Variants in FUBP1 observed in about 807,000 individuals in gnomAD.
The protein encoded by FUBP1 is far upstream element binding protein 1.
Under a neutral mutation model 94.9 loss-of-function variants are expected in FUBP1, and 16 were observed. The ratio of observed to expected loss-of-function variants is 0.17; its 90% confidence interval spans 0.11 to 0.26. The LOEUF is 0.26. FUBP1 is among the 10% of genes least tolerant of loss of function. The pLI, the probability that FUBP1 is intolerant of heterozygous loss-of-function variation, is 1.00. For missense variants in FUBP1, 583 were observed against 808.6 expected, an observed-to-expected ratio of 0.72 and a Z score of 3.38; for synonymous variants, 279 against 254.9, an observed-to-expected ratio of 1.09 and a Z score of -0.90.
intron 18 of FUBP1, among the ~76,000 whole-genome samples, chr1:77,949,780 A>T (rs1653011931): frequency 6.6e-6 from 1 of 152,230 alleles, no homozygotes; most frequent in Non-Finnish European, 1.5e-5. Flanking sequence ...AGCCCACTTA[A>T]AGGCAATGAT....
At position 77,960,413 on chromosome 1, in the gene FUBP1, CCTGGAGGCCCAGGAG is replaced by C; in HGVS notation, c.1412_1426del (p.Pro471_Gly476delinsArg). The C allele has an allele frequency of 6.3e-7, 1 of 1,594,230 alleles. No individual in the cohort carries two copies. Among genetic ancestry groups the C allele is most frequent in the Non-Finnish European group, 8.5e-7 (1 of 1,175,550 alleles). Reference sequence around the variant, plus strand: ...GTATGGTCCCATTGGAGTTCCAGGCCCTGGAGGCCCAGGAGGTCCATGGGGGCCTGGGACACCATG... The same window carrying C: ...GTATGGTCCCATTGGAGTTCCAGGCCGTCCATGGGGGCCTGGGACACCATG... On this transcript the variant is annotated inframe_deletion, in exon 15 of 20. Transcript: ENST00000370768.
In FUBP1 at chr1:77,969,289, T is replaced by C. The variant is rs147332755; in HGVS notation, c.211+636A>G. Among the ~76,000 whole-genome samples, 311 of 152,154 alleles carry C rather than the reference T, an allele frequency of 2.0e-3. 1 individual carries two copies. The highest frequency in any genetic ancestry group is 6.8e-3 in the African/African-American group (281 of 41,544). The stretch of plus-strand genomic sequence containing the variant: ...AAAAAAAGGGTAAAAAGAAAATGTA[T>C]CAAAACTCATATATCAAACCTAAAA... On this transcript the variant is annotated intron_variant, in intron 2 of 19. Coordinates refer to ENST00000370768, the MANE Select transcript of FUBP1 (RefSeq NM_003902.5).
chr1:77,976,091 C>T (rs535271837), intron 1 of FUBP1, among the ~76,000 whole-genome samples: 3 of 152,242 alleles, frequency 2.0e-5, no homozygotes, highest in Admixed American at 2.0e-4. Context: ...TCTCTTCCTT[C>T]CAAAAACAAA....
At chr1:77,950,386 C>A (rs1653188660) in intron 18 of FUBP1, among the ~76,000 whole-genome samples, 1 of 152,166 alleles carries the variant, frequency 6.6e-6, no homozygotes, top group Non-Finnish European at 1.5e-5. Flanking sequence ...TCCTGAACTC[C>A]TGGACTCAAG....
rs1314344664 is a variant in FUBP1, at chr1:77,973,716, C to G, written c.121-3701G>C. The stretch of plus-strand genomic sequence containing the variant: ...CAAGAATTTGGGAGTTGAAAAGAAA[C>G]TTAAAAGACACAGTAGTCTCTTTAT... On this transcript the variant is annotated intron_variant, in intron 1 of 19. Coordinates refer to ENST00000370768, the MANE Select transcript of FUBP1 (RefSeq NM_003902.5). 3.4e-5 allele frequency among the ~76,000 whole-genome samples: 5 copies of G among 148,972 alleles called. No homozygotes were observed. In the Admixed American group the frequency reaches 3.4e-4, roughly 10 times the overall value.
In FUBP1 at chr1:77,944,374, C is replaced by T. The variant is rs1324074620; in HGVS notation, c.*4392G>A. 5.0e-6 allele frequency: 1 copy of T among 201,398 alleles called. No homozygotes were observed. 12.5% of individuals were successfully genotyped at this position (201,398 alleles called of 1,614,324 possible). On this transcript the variant is annotated 3_prime_UTR_variant, in exon 20 of 20. Coordinates refer to ENST00000370768, the MANE Select transcript of FUBP1 (RefSeq NM_003902.5). ...TTTAAGAGTTTCTATAGGGGTATCA[C>T]TGAAGAAAATAAAACCCTGGGATTT...
intron 18 of FUBP1, 26 bp from the exon 19 acceptor site, chr1:77,949,326 T>A (rs374511552): frequency 3.1e-6 from 5 of 1,600,600 alleles, no homozygotes; most frequent in Non-Finnish European, 4.3e-6. Context: ...ACTTTGTTGC[T>A]GTAACCACAA....
At chr1:77,968,655 AC>A (rs1487243521) in intron 2 of FUBP1, among the ~76,000 whole-genome samples, 64 of 151,742 alleles carry the variant, frequency 4.2e-4, no homozygotes, top group Non-Finnish European at 6.8e-4. Flanking sequence ...AAAAAAAAAA[AC>A]AAAAAAACCC....
At chr1:77,977,759 AATG>A (rs1411605603) in intron 1 of FUBP1, among the ~76,000 whole-genome samples, 1 of 152,256 alleles carries the variant, frequency 6.6e-6, no homozygotes, top group African/African-American at 2.4e-5. Context: ...AACTAATATT[AATG>A]ATGACCTTTT....
intron 7 of FUBP1, 56 bp downstream of exon 7, chr1:77,966,638 T>C: frequency 1.1e-6 from 1 of 869,846 alleles, no homozygotes; most frequent in Non-Finnish European, 1.9e-6. Flanking sequence ...AGAGACAAAA[T>C]TCAAAGAGTT....
intron 1 of FUBP1, among the ~76,000 whole-genome samples, chr1:77,978,672 G>A (rs755987511): frequency 5.3e-5 from 8 of 152,192 alleles, no homozygotes; most frequent in African/African-American, 1.9e-4. Context: ...TGCGTAGCAC[G>A]CGTCGGGGTT....
At chr1:77,966,531 T>TTC (rs1456414086) in intron 7 of FUBP1, among the ~76,000 whole-genome samples, 163 bp downstream of exon 7, 3 of 152,198 alleles carry the variant, frequency 2.0e-5, no homozygotes, top group Non-Finnish European at 4.4e-5. Flanking sequence ...GAACCCCACC[T>TTC]GAGAAAGGCA....
At chr1:77,971,135 G>C (rs957217816) in intron 1 of FUBP1, among the ~76,000 whole-genome samples, 1 of 152,014 alleles carries the variant, frequency 6.6e-6, no homozygotes, top group African/African-American at 2.4e-5. Context: ...TCTATAAAAG[G>C]ACAACCGAAG....
chr1:77,964,359 T>C lies in FUBP1; in HGVS notation c.838-3A>G, dbSNP rs190415676. On this transcript the variant is annotated splice_region_variant and splice_polypyrimidine_tract_variant and intron_variant, in intron 10 of 19. Transcript: ENST00000370768. ...ACAGCAAATCTTGGAATGGGGACCT[T>C]ATGTAAAAAAGACTAAGTATTAAGA... The C allele has an allele frequency of 4.8e-5, 74 of 1,551,930 alleles. No homozygotes were observed. The Admixed American group carries it at 1.0e-3, about 21-fold the overall frequency.
At chr1:77,968,252 T>G (rs781484978) in intron 2 of FUBP1, 49 bp from the exon 3 acceptor site, 1 of 964,758 alleles carries the variant, frequency 1.0e-6, no homozygotes, top group East Asian at 2.7e-5. Flanking sequence ...GTACAAAGCT[T>G]CTCCCCTCCC....
chr1:77,967,668 T>C lies in FUBP1; in HGVS notation c.251-2A>G. 6.5e-7 allele frequency: 1 copy of C among 1,547,232 alleles called. No individual in the cohort carries two copies. Among genetic ancestry groups the C allele is most frequent in the Non-Finnish European group, 8.9e-7 (1 of 1,127,986 alleles). The stretch of plus-strand genomic sequence containing the variant: ...TCGGTGGTAACTGTGTTCCAAAAGC[T>C]ATCAAAAAATTAAATAAAAATAAAA... On this transcript the variant is annotated splice_acceptor_variant, in intron 3 of 19. Transcript: ENST00000370768. LOFTEE classifies it high-confidence loss of function.
rs1334236316 is a variant in FUBP1 at position 77,962,791 on chromosome 1, T to C, written c.1323A>G (p.Gln441=). The change falls in exon 14 of 20, where the codon CAA becomes CAG. Residue 441 remains glutamine (Q), a synonymous_variant. Transcript: ENST00000370768. ...GTPQQIDYAR[Q]LIEEKIGGPV... is the part of the protein sequence containing the mutation. ...TCACACCAATCTTTTCTTCTATGAG[T>C]TGCCGAGCATAGTCTATCTGTTGTG... 2 of 1,611,262 alleles carry C rather than the reference T, an allele frequency of 1.2e-6. No homozygotes were observed. The highest frequency in any genetic ancestry group is 1.7e-6 in the Non-Finnish European group (2 of 1,178,044).
At chr1:77,972,460 T>G (rs1657741332) in intron 1 of FUBP1, among the ~76,000 whole-genome samples, 1 of 151,672 alleles carries the variant, frequency 6.6e-6, no homozygotes, top group Non-Finnish European at 1.5e-5. Context: ...AAATGAAAGC[T>G]GAGGCCAGGC....
rs201951470 is a variant in FUBP1 at position 77,967,613 on chromosome 1, T to C, written c.290+14A>G. On this transcript the variant is annotated intron_variant, in intron 4 of 19. Coordinates refer to ENST00000370768, the MANE Select transcript of FUBP1 (RefSeq NM_003902.5). The stretch of plus-strand genomic sequence containing the variant: ...AAACTTGCAGAGTACTTTTTGAAAA[T>C]CTTGTGACTATACCTTTGCTGCTGA... 6.3e-7 allele frequency: 1 copy of C among 1,585,688 alleles called. No homozygotes were observed. The highest frequency in any genetic ancestry group is 2.3e-5 in the East Asian group (1 of 44,438).
Sources: allele counts gnomAD v4.1 joint callset (sites outside exome capture counted in the v4.1 genomes callset), GRCh38; gene constraint gnomAD v4.1.1; transcripts MANE v1.5; gene names NCBI Gene and HGNC (gene_info 2026-07-23, HGNC 2026-07-21).